Variants in BABAM2 observed in about 807,000 individuals in gnomAD.
The protein encoded by BABAM2 is BRISC and BRCA1-A complex member 2.
BABAM2 carries 31 observed loss-of-function variants against 54.7 expected under a neutral mutation model. That is an observed-to-expected ratio of 0.57 (90% CI 0.43 to 0.77). The LOEUF (loss-of-function observed/expected upper bound fraction) is 0.77. Among genes scored for constraint, BABAM2 ranks in the 30% least tolerant of loss-of-function variants. BABAM2 has a pLI of 0.00. For synonymous variants in BABAM2, 167 were observed against 162.9 expected (o/e 1.03, Z -0.19); for missense variants, 364 against 455.8 (o/e 0.80, Z 1.83).
chr2:28,238,176 A>G (rs1252439047), intron 8 of BABAM2, among the ~76,000 whole-genome samples: 1 of 152,210 alleles, frequency 6.6e-6, no homozygotes, highest in African/African-American at 2.4e-5. Flanking sequence ...ACTCAGTCAG[A>G]TGATCTAAAG....
intron 6 of BABAM2, among the ~76,000 whole-genome samples, chr2:28,057,328 T>G (rs574609577): frequency 1.3e-5 from 2 of 152,246 alleles, no homozygotes; most frequent in Non-Finnish European, 2.9e-5. Flanking sequence ...TAAGCCAATG[T>G]GTAGACTTAA....
chr2:28,274,621 A>G (rs1685710997), intron 10 of BABAM2, among the ~76,000 whole-genome samples: 2 of 152,102 alleles, frequency 1.3e-5, no homozygotes, highest in African/African-American at 4.8e-5. Context: ...TAGTAGAGAC[A>G]GGGTTTTGCC....
chr2:28,139,036 G>A (rs887809912), intron 7 of BABAM2, among the ~76,000 whole-genome samples: 1 of 152,112 alleles, frequency 6.6e-6, no homozygotes, highest in Non-Finnish European at 1.5e-5. Context: ...GCCTGCTGTG[G>A]ACCATGTGCC....
chr2:27,992,714 C>A (rs1056516468), intron 4 of BABAM2, among the ~76,000 whole-genome samples: 7 of 152,126 alleles, frequency 4.6e-5, no homozygotes, highest in Admixed American at 1.3e-4. Context: ...TATGCTATAG[C>A]TGTCACCCAA....
intron 2 of BABAM2, among the ~76,000 whole-genome samples, chr2:27,902,860 C>A (rs1665893513): frequency 6.7e-6 from 1 of 149,430 alleles, no homozygotes; most frequent in Non-Finnish European, 1.5e-5. Flanking sequence ...ACAGTATTTT[C>A]TTTTTTAGAT....
chr2:28,181,553 A>G (rs551886121), intron 7 of BABAM2, among the ~76,000 whole-genome samples: 6 of 152,306 alleles, frequency 3.9e-5, no homozygotes, highest in African/African-American at 1.4e-4. Context: ...AGCTAGAAGA[A>G]AAGACTTAAA....
At chr2:28,139,804 C>G (rs1418752317) in intron 7 of BABAM2, among the ~76,000 whole-genome samples, 1 of 152,128 alleles carries the variant, frequency 6.6e-6, no homozygotes. Flanking sequence ...GTCTTCACTT[C>G]TTGTGGTTTT....
intron 6 of BABAM2, among the ~76,000 whole-genome samples, chr2:28,120,145 T>C (rs976889543): frequency 1.3e-5 from 2 of 152,226 alleles, no homozygotes; most frequent in African/African-American, 2.4e-5. Context: ...TTTAATTTCT[T>C]GCCCTGTACT....
At chr2:28,096,196 G>A (rs1390923566) in intron 6 of BABAM2, among the ~76,000 whole-genome samples, 1 of 152,040 alleles carries the variant, frequency 6.6e-6, no homozygotes, top group Non-Finnish European at 1.5e-5. Context: ...GGATAGATGG[G>A]GCCTAACAGG....
rs140159591 is a variant in BABAM2 at position 28,310,011 on chromosome 2, C to T, written c.1088+11520C>T. On this transcript the variant is annotated intron_variant, in intron 11 of 11. Coordinates refer to ENST00000379624, the MANE Select transcript of BABAM2 (RefSeq NM_199191.3). ...AGAGAAAAGCAAATCATATAAATAA[C>T]GTGGAATTATTGGATCCTTGAACCC... is the stretch of plus-strand genomic sequence containing the variant. 436 of 1,473,294 alleles carry T rather than the reference C, an allele frequency of 3.0e-4. 1 individual carries two copies. The African/African-American group carries it at 3.5e-3, about 12-fold the overall frequency. The allele number at this position is 1,473,294 out of a possible 1,614,324, so 91.3% of individuals were successfully genotyped here. A position where few individuals can be genotyped will look rare whatever the true frequency, so the allele number is the denominator to read the frequency against.
At chr2:28,185,136 A>C (rs890823643) in intron 7 of BABAM2, among the ~76,000 whole-genome samples, 2 of 152,256 alleles carry the variant, frequency 1.3e-5, no homozygotes, top group East Asian at 1.9e-4. Context: ...AGGCAGGTAC[A>C]TAAGATGCTT....
At chr2:28,109,641 C>T (rs997898454) in intron 6 of BABAM2, among the ~76,000 whole-genome samples, 22 of 152,190 alleles carry the variant, frequency 1.4e-4, no homozygotes, top group Non-Finnish European at 4.4e-5. Flanking sequence ...AATGGCACAG[C>T]TTCACTGATA....
chr2:28,271,943 A>G (rs1238370564), intron 10 of BABAM2, among the ~76,000 whole-genome samples: 1 of 152,212 alleles, frequency 6.6e-6, no homozygotes, highest in Non-Finnish European at 1.5e-5. Flanking sequence ...GGTGGTTCCT[A>G]CCTTCAAGAG....
intron 6 of BABAM2, among the ~76,000 whole-genome samples, chr2:28,099,939 A>T (rs969153896): frequency 3.3e-5 from 5 of 151,772 alleles, no homozygotes; most frequent in African/African-American, 9.7e-5. Context: ...TGCCCTAATT[A>T]AAAAAAAATT....
chr2:28,023,166 C>A (rs1381022238), intron 4 of BABAM2, among the ~76,000 whole-genome samples: 1 of 152,092 alleles, frequency 6.6e-6, no homozygotes, highest in African/African-American at 2.4e-5. Context: ...GAAATGAATT[C>A]AAGTTGGTAA....
chr2:28,079,322 A>G (rs72814435), intron 6 of BABAM2, among the ~76,000 whole-genome samples: 10,734 of 152,186 alleles, frequency 0.071, 402 homozygotes, highest in South Asian at 0.13. Context: ...CATTCATTAT[A>G]TCAGTGATTA....
intron 4 of BABAM2, among the ~76,000 whole-genome samples, chr2:27,996,741 T>C (rs1458397): frequency 0.74 from 112,518 of 152,034 alleles, 42,654 homozygotes; most frequent in Middle Eastern, 0.89. Context: ...GCCTCCCTCC[T>C]GTACCCTAAA....
chr2:28,324,751 C>T (rs902610090), intron 11 of BABAM2, among the ~76,000 whole-genome samples: 1 of 152,126 alleles, frequency 6.6e-6, no homozygotes, highest in Non-Finnish European at 1.5e-5. Context: ...GCCAAGATTG[C>T]ACCACCACAC....
chr2:27,991,410 G>A (rs981424988), intron 4 of BABAM2, among the ~76,000 whole-genome samples: 20 of 152,032 alleles, frequency 1.3e-4, no homozygotes, highest in African/African-American at 4.3e-4. Flanking sequence ...TTTATATGCC[G>A]TACAATTCAC....
Sources: gnomAD v4.1 joint callset for allele counts (sites outside exome capture counted in the v4.1 genomes callset) on GRCh38, gnomAD v4.1.1 for gene constraint, MANE v1.5 for transcripts, NCBI Gene and HGNC (gene_info 2026-07-23, HGNC 2026-07-21) for gene names.